Variants in TYW1 observed in about 807,000 individuals in gnomAD.
TYW1 encodes the protein tRNA-yW synthesizing protein 1 homolog, also known as S-adenosyl-L-methionine-dependent tRNA 4-demethylwyosine synthase TYW1.
A neutral mutation model predicts 96.2 loss-of-function variants in TYW1; 46 were observed. The ratio of observed to expected loss-of-function variants is 0.48; its 90% CI spans 0.38 to 0.61. The LOEUF is 0.61. Among genes scored for constraint, TYW1 ranks in the 20% least tolerant of loss-of-function variants. TYW1 has a pLI of 0.00. For missense variants in TYW1, 684 were observed against 909.6 expected (o/e 0.75, Z 3.19); for synonymous variants, 274 against 323.0 (o/e 0.85, Z 1.63).
chr7:67,182,258 T>C (rs1477174409), intron 13 of TYW1, among the ~76,000 whole-genome samples: 2 of 152,204 alleles, frequency 1.3e-5, no homozygotes, highest in Admixed American at 1.3e-4. Context: ...ATGCCTAGTG[T>C]CTAATTACAT....
intron 13 of TYW1, among the ~76,000 whole-genome samples, chr7:67,161,255 T>C (rs897314230): frequency 1.3e-5 from 2 of 152,254 alleles, no homozygotes; most frequent in African/African-American, 2.4e-5. Context: ...AATCAGGTTT[T>C]GTTTTCACAC....
intron 13 of TYW1, among the ~76,000 whole-genome samples, chr7:67,148,784 A>C (rs1200215226): frequency 6.6e-6 from 1 of 152,186 alleles, no homozygotes; most frequent in Non-Finnish European, 1.5e-5. Flanking sequence ...ATTTTCACCT[A>C]GCAGAGAATT....
At chr7:67,109,734 G>T (rs1797345296) in intron 12 of TYW1, among the ~76,000 whole-genome samples, 1 of 152,124 alleles carries the variant, frequency 6.6e-6, no homozygotes, top group Non-Finnish European at 1.5e-5. Context: ...ACAAAAATTA[G>T]CCGGGTGTGG....
At chr7:67,007,762 G>T (rs1482005932) in intron 3 of TYW1, among the ~76,000 whole-genome samples, 1 of 151,984 alleles carries the variant, frequency 6.6e-6, no homozygotes, top group Non-Finnish European at 1.5e-5. Flanking sequence ...AGCCTCCCAA[G>T]TAGCTGGGAT....
At chr7:67,229,097 A>AT (rs1801660833) in intron 15 of TYW1, among the ~76,000 whole-genome samples, 1 of 152,214 alleles carries the variant, frequency 6.6e-6, no homozygotes, top group African/African-American at 2.4e-5. Flanking sequence ...CTGACTTTAG[A>AT]GGTCTGCATA....
chr7:67,077,519 G>T (rs200165283), intron 10 of TYW1, among the ~76,000 whole-genome samples: 1 of 152,084 alleles, frequency 6.6e-6, no homozygotes, highest in African/African-American at 2.4e-5. Flanking sequence ...TGTGTCTGTT[G>T]GCTACTTGTA....
At chr7:67,099,111 C>T (rs1342890973) in intron 12 of TYW1, among the ~76,000 whole-genome samples, 9 of 151,936 alleles carry the variant, frequency 5.9e-5, no homozygotes, top group East Asian at 1.9e-4. Flanking sequence ...CTGCTACCTC[C>T]GCCTCCCAGG....
chr7:67,021,456 T>G (rs960320865), intron 6 of TYW1, among the ~76,000 whole-genome samples: 2 of 152,270 alleles, frequency 1.3e-5, no homozygotes, highest in South Asian at 4.1e-4. Flanking sequence ...CGTTCCCACA[T>G]GTCTTTCCCT....
intron 13 of TYW1, among the ~76,000 whole-genome samples, chr7:67,172,062 A>C (rs1468088795): frequency 6.6e-6 from 1 of 152,170 alleles, no homozygotes; most frequent in Non-Finnish European, 1.5e-5. Flanking sequence ...CATGAAATAC[A>C]ATAATTGATA....
At chr7:67,235,143 G>C (rs1198642088) in intron 15 of TYW1, among the ~76,000 whole-genome samples, 1 of 152,086 alleles carries the variant, frequency 6.6e-6, no homozygotes, top group African/African-American at 2.4e-5. Context: ...GAAGAAGAGA[G>C]TATGGTCATC....
At chr7:67,207,050 T>C (rs1198196545) in intron 15 of TYW1, among the ~76,000 whole-genome samples, 5 of 152,220 alleles carry the variant, frequency 3.3e-5, no homozygotes, top group African/African-American at 4.8e-5. Flanking sequence ...AACGCCCTCC[T>C]TTCCCTACCC....
intron 13 of TYW1, among the ~76,000 whole-genome samples, chr7:67,150,794 C>A (rs1442530969): frequency 1.3e-5 from 2 of 150,220 alleles, no homozygotes; most frequent in South Asian, 2.1e-4. Context: ...TTTTTTCCCC[C>A]CTGTCTGACC....
rs1420937409 is a variant in TYW1 at position 67,065,780 on chromosome 7, G to A, written c.1156-1505G>A. Among the ~76,000 whole-genome samples, 8 of 152,184 alleles carry A rather than the reference G, an allele frequency of 5.3e-5. No individual in the cohort carries two copies. The East Asian group carries it at 1.5e-3, about 29-fold the overall frequency. ...AATAACAGTACTTTGGGAGGTCGAG[G>A]TGGGCGGATCACTTGAGGTCAGGAG... is the stretch of plus-strand genomic sequence containing the variant. On this transcript the variant is annotated intron_variant, in intron 9 of 15. Coordinates refer to ENST00000359626, the MANE Select transcript of TYW1 (RefSeq NM_018264.4).
intron 15 of TYW1, among the ~76,000 whole-genome samples, chr7:67,231,172 A>G (rs994715582): frequency 6.6e-6 from 1 of 152,008 alleles, no homozygotes; most frequent in African/African-American, 2.4e-5. Context: ...AATTTTTATT[A>G]TTTTCTTCAT....
intron 13 of TYW1, among the ~76,000 whole-genome samples, chr7:67,146,997 A>G (rs1798628443): frequency 6.6e-6 from 1 of 152,006 alleles, no homozygotes; most frequent in Admixed American, 6.6e-5. Context: ...CTTTCTTTTA[A>G]AATTATTTGC....
intron 13 of TYW1, among the ~76,000 whole-genome samples, chr7:67,136,585 T>G (rs1936318720): frequency 1.3e-5 from 2 of 152,144 alleles, no homozygotes; most frequent in Non-Finnish European, 1.5e-5. Context: ...TGGAGTAGTG[T>G]TTGTAATTTG....
intron 11 of TYW1, among the ~76,000 whole-genome samples, chr7:67,084,162 G>A (rs1796470017): frequency 1.3e-5 from 2 of 152,302 alleles, no homozygotes; most frequent in Middle Eastern, 3.4e-3. Context: ...TGGCTGAGCT[G>A]AGCAGCCTTT....
At chr7:67,131,149 T>A (rs546748459) in intron 13 of TYW1, among the ~76,000 whole-genome samples, 3 of 152,048 alleles carry the variant, frequency 2.0e-5, no homozygotes, top group Non-Finnish European at 4.4e-5. Context: ...GCTACCAAGG[T>A]TTGGATACTG....
intron 12 of TYW1, among the ~76,000 whole-genome samples, chr7:67,100,336 A>G (rs144039663): frequency 1.9e-4 from 29 of 151,324 alleles, no homozygotes; most frequent in African/African-American, 6.8e-4. Flanking sequence ...GTATTACAAA[A>G]TTTACTCATC....
Sources: gnomAD v4.1 joint callset for allele counts (sites outside exome capture counted in the v4.1 genomes callset) on GRCh38, gnomAD v4.1.1 for gene constraint, MANE v1.5 for transcripts, NCBI Gene and HGNC (gene_info 2026-07-23, HGNC 2026-07-21) for gene names.